The following RNF213 variants were observed in gnomAD, a reference collection of about 807,000 sequenced individuals.
RNF213 encodes the protein E3 ubiquitin-protein ligase RNF213.
RNF213 carries 341 observed loss-of-function variants against 514.4 expected under a neutral mutation model. The observed-to-expected ratio is 0.66, with a 90% CI of 0.61 to 0.73. The LOEUF is 0.73. Ranked by LOEUF, RNF213 falls within the 30% of genes least tolerant of loss-of-function variation. The pLI is 0.00. For missense variants in RNF213, 5,767 were observed against 6,615.6 expected (o/e 0.87, Z 4.45); for synonymous variants, 2,655 against 2,658.2 (o/e 1.00, Z 0.04).
rs142567383 is a variant in RNF213 at position 80,284,388 on chromosome 17, A to C, written c.262-3427A>C. On this transcript the variant is annotated intron_variant, in intron 3 of 67. Transcript: ENST00000582970. ...TCAAAAAAAACAAAAACAAAAACAA[A>C]ACAAAAATAGCTGGGCGTGGTGGCA... Among the ~76,000 whole-genome samples the C allele has an allele frequency of 4.1e-3, 616 of 151,462 alleles. 5 individuals carry two copies. The highest frequency in any genetic ancestry group is 0.014 in the African/African-American group (575 of 41,326).
chr17:80,323,752 G>A (rs2046205478), intron 17 of RNF213, among the ~76,000 whole-genome samples: 1 of 149,886 alleles, frequency 6.7e-6, no homozygotes, highest in African/African-American at 2.5e-5. Flanking sequence ...ACCATTCCTG[G>A]CCAATTTCTT....
At chr17:80,334,873 G>A (rs1258706467) in intron 22 of RNF213, among the ~76,000 whole-genome samples, 5 of 149,840 alleles carry the variant, frequency 3.3e-5, no homozygotes, top group South Asian at 2.1e-4. Context: ...TGATCAGCCC[G>A]TCTTGGCCTC....
chr17:80,349,976 T>A, intron 30 of RNF213, 70 bp downstream of exon 30: 1 of 1,565,386 alleles, frequency 6.4e-7, no homozygotes, highest in East Asian at 2.2e-5. Flanking sequence ...TGCGTGGCGA[T>A]GGTACCCGCG....
intron 3 of RNF213, among the ~76,000 whole-genome samples, chr17:80,275,032 G>T (rs1490826589): frequency 7.4e-6 from 1 of 135,894 alleles, no homozygotes; most frequent in Non-Finnish European, 1.6e-5. Flanking sequence ...AGTGGGGTGT[G>T]TGTGTGTTGG....
At chr17:80,387,180 G>T (rs1345743724) in intron 63 of RNF213, among the ~76,000 whole-genome samples, 2 of 152,208 alleles carry the variant, frequency 1.3e-5, no homozygotes, top group Non-Finnish European at 2.9e-5. Context: ...CAGGGCAGTG[G>T]TGCCAAGCCT....
chr17:80,383,111 A>G, intron 58 of RNF213, 41 bp downstream of exon 58: 1 of 1,433,280 alleles, frequency 7.0e-7, no homozygotes, highest in Non-Finnish European at 9.8e-7. Flanking sequence ...TCCTCGGTCC[A>G]GAAAGGAAGG....
At chr17:80,293,619 C>T (rs971470089) in intron 8 of RNF213, among the ~76,000 whole-genome samples, 13 of 151,848 alleles carry the variant, frequency 8.6e-5, no homozygotes, top group African/African-American at 2.9e-4. Context: ...GTCAGGAGAT[C>T]AAGACCATCC....
At chr17:80,283,748 T>C (rs1424880856) in intron 3 of RNF213, among the ~76,000 whole-genome samples, 2 of 152,174 alleles carry the variant, frequency 1.3e-5, no homozygotes, top group African/African-American at 2.4e-5. Context: ...CCTGCCTCAG[T>C]GGGCTCCTCC....
Position 80,345,941 on chromosome 17 carries a change from T to C in RNF213, c.7606T>C (p.Cys2536Arg). ...CCGGAAGCACTCTGAGGAGATGATC[T>C]GCCGTTTGGAGTCAGCTGGTTTGGG... ...PYRKHSEEMI[C>R]RLESAGLGYR... The change falls in exon 29 of 68, where the codon TGC (cysteine) becomes CGC (arginine). Residue 2536 changes from cysteine (C) to arginine (R), a missense_variant. By Grantham distance (180) the Cys-to-Arg change is radical. This residue lies in a region of RNF213 where 1,377 missense variants were observed against 1,635.2 expected (regional missense o/e 0.84). Coordinates refer to ENST00000582970, the MANE Select transcript of RNF213 (RefSeq NM_001256071.3). This position sits in a 1 kb window ranked among gnomAD's most constrained non-coding sequence, Gnocchi z 6.0. The C allele has an allele frequency of 6.2e-7, 1 of 1,614,234 alleles. No individual in the cohort carries two copies. The highest frequency in any genetic ancestry group is 8.5e-7 in the Non-Finnish European group (1 of 1,180,046).
intron 36 of RNF213, 83 bp from the exon 37 acceptor site, chr17:80,358,205 G>T (rs558059263): frequency 1.6e-6 from 2 of 1,222,700 alleles, no homozygotes; most frequent in South Asian, 2.5e-5. Context: ...TAATGCTCAA[G>T]AAGGAACAAA....
At chr17:80,389,490 G>A in intron 65 of RNF213, 123 bp downstream of exon 65, 1 of 842,282 alleles carries the variant, frequency 1.2e-6, no homozygotes, top group Admixed American at 2.0e-5. Flanking sequence ...GGGGAGACAA[G>A]AACAACTGCT....
Position 80,288,735 on chromosome 17 carries a change from CCTT to C in RNF213, c.914_916del (p.Pro305_Phe306delinsLeu), listed in dbSNP as rs2044568197. 6.2e-7 allele frequency: 1 copy of C among 1,614,088 alleles called. No homozygotes were observed. Among genetic ancestry groups the C allele is most frequent in the African/African-American group, 1.3e-5 (1 of 74,940 alleles). On this transcript the variant is annotated inframe_deletion, in exon 5 of 68. Coordinates refer to ENST00000582970, the MANE Select transcript of RNF213 (RefSeq NM_001256071.3). The surrounding 1 kb of genome is among the most constrained non-coding windows in gnomAD (Gnocchi z 4.9). ...GAAACAGCCACCAGCAACCACTCCT[CCTT>C]TCAAAACACACTGCCAGGTGCGTCT...
At chr17:80,358,502 C>T (rs1271910566) in intron 37 of RNF213, 23 bp downstream of exon 37, 1 of 1,602,574 alleles carries the variant, frequency 6.2e-7, no homozygotes, top group Non-Finnish European at 8.5e-7. Flanking sequence ...CTTTCTTTCC[C>T]TGGGGAGAGA....
Position 80,289,675 on chromosome 17 carries a change from C to T in RNF213, c.950C>T (p.Thr317Ile), listed in dbSNP as rs1455934182. Reference sequence around the variant, plus strand: ...TTGTTCCAGGAAGCTGAGACCAAGACCAAGGACGAGATGGCTGCTGCTGAA... The same window carrying T: ...TTGTTCCAGGAAGCTGAGACCAAGATCAAGGACGAGATGGCTGCTGCTGAA... ...KTHCQEAETKTKDEMAAAEEK... is the reference protein window; with the variant it reads ...KTHCQEAETKIKDEMAAAEEK... Residue 317 changes from threonine (T) to isoleucine (I), a missense_variant, in exon 6 of 68, where the codon ACC becomes ATC. Physicochemically the swap from Thr to Ile is moderately conservative, Grantham distance 89. Coordinates refer to ENST00000582970, the MANE Select transcript of RNF213 (RefSeq NM_001256071.3). The T allele has an allele frequency of 3.1e-6, 5 of 1,613,508 alleles. No homozygotes were observed. The highest frequency in any genetic ancestry group is 4.2e-6 in the Non-Finnish European group (5 of 1,179,960).
chr17:80,302,886 T>C (rs537478671), intron 11 of RNF213, among the ~76,000 whole-genome samples: 1 of 152,298 alleles, frequency 6.6e-6, no homozygotes, highest in East Asian at 1.9e-4. Flanking sequence ...AACTTTCTCT[T>C]TAAGTATAAT....
At chr17:80,318,747 G>C (rs1354159446) in intron 16 of RNF213, among the ~76,000 whole-genome samples, 1 of 151,990 alleles carries the variant, frequency 6.6e-6, no homozygotes, top group East Asian at 1.9e-4. Flanking sequence ...CTATATTTTT[G>C]TATTTTTTGT....
At chr17:80,271,383 C>T (rs1192035331) in intron 2 of RNF213, among the ~76,000 whole-genome samples, 1 of 152,220 alleles carries the variant, frequency 6.6e-6, no homozygotes, top group African/African-American at 2.4e-5. Flanking sequence ...TCTGCGTGGT[C>T]CCTGCCCTCC....
chr17:80,305,859 A>G (rs1003352914), intron 11 of RNF213, among the ~76,000 whole-genome samples: 2 of 151,834 alleles, frequency 1.3e-5, no homozygotes, highest in African/African-American at 4.8e-5. Context: ...ACCTCAACTG[A>G]TCCACCTGCC....
chr17:80,274,969 G>GTT lies in RNF213; in HGVS notation c.261+1565_261+1566insTT, dbSNP rs1555639151. On this transcript the variant is annotated intron_variant, in intron 3 of 67. Coordinates refer to ENST00000582970, the MANE Select transcript of RNF213 (RefSeq NM_001256071.3). ...TGTGAGTGGGGGGTGTGTGTGTTGG[G>GTT]GTGTGTGTGTTGGATGTGTGTGTAT... Among the ~76,000 whole-genome samples the GTT allele has an allele frequency of 5.0e-4, 28 of 55,454 alleles. 1 individual carries two copies. The highest frequency in any genetic ancestry group is 2.7e-3 in the African/African-American group (26 of 9,714). 36.4% of individuals were successfully genotyped at this position (55,454 alleles called of 152,430 possible). A position where few individuals can be genotyped will look rare whatever the true frequency, so the allele number is the denominator to read the frequency against.
Sources: gnomAD v4.1 joint callset for allele counts (sites outside exome capture counted in the v4.1 genomes callset) on GRCh38, gnomAD v4.1.1 for gene constraint, gnomAD v4.1.1 regional missense constraint, Gnocchi (gnomAD v3.1) non-coding constraint, MANE v1.5 for transcripts, NCBI Gene and HGNC (gene_info 2026-07-23, HGNC 2026-07-21) for gene names.